The following TSNAXIP1 variants were observed in gnomAD, a reference collection of about 807,000 sequenced individuals.
TSNAXIP1 encodes the protein translin associated factor X interacting protein 1.
In TSNAXIP1, 89 loss-of-function variants were observed where a neutral mutation model predicts 84.8. That is an observed-to-expected ratio of 1.05 (90% CI 0.88 to 1.25). TSNAXIP1 has a LOEUF of 1.25. TSNAXIP1 is among the 50% of genes most tolerant of loss of function. TSNAXIP1 has a pLI of 0.00. For synonymous variants in TSNAXIP1, 347 were observed against 335.2 expected (o/e 1.04, Z -0.39); for missense variants, 874 against 887.6 (o/e 0.98, Z 0.20).
intron 7 of TSNAXIP1, 65 bp downstream of exon 7, chr16:67,825,337 C>T (rs555856535): frequency 1.4e-5 from 23 of 1,588,300 alleles, no homozygotes; most frequent in Non-Finnish European, 2.0e-5. Context: ...TGGTCTCACC[C>T]CTAAGCCCCA....
chr16:67,818,638 G>A (rs2056782305), intron 2 of TSNAXIP1, among the ~76,000 whole-genome samples: 1 of 152,094 alleles, frequency 6.6e-6, no homozygotes, highest in Admixed American at 6.6e-5. Context: ...GGACAAGGTA[G>A]GAGGATCTCT....
At position 67,806,903 on chromosome 16, in the gene TSNAXIP1, G is replaced by C; in HGVS notation, c.-247G>C. The C allele has an allele frequency of 1.6e-6, 1 of 620,460 alleles. No homozygotes were observed. Among genetic ancestry groups the C allele is most frequent in the Non-Finnish European group, 2.8e-6 (1 of 357,310 alleles). The allele number at this position is 620,460 out of a possible 1,614,324, so 38.4% of individuals were successfully genotyped here. On this transcript the variant is annotated 5_prime_UTR_variant, in exon 1 of 16. Coordinates refer to ENST00000561639, the MANE Select transcript of TSNAXIP1 (RefSeq NM_001288990.3). ...GGCCTCTGTTCATCCCCCTGCCTCA[G>C]TTCTGGTACCTGGGGTCAAATCGGC...
chr16:67,808,312 C>A (rs528526875), intron 1 of TSNAXIP1, among the ~76,000 whole-genome samples: 14 of 152,044 alleles, frequency 9.2e-5, no homozygotes. Context: ...CACGGTGGCT[C>A]ACGCCTATAA....
rs1244908759 is a variant in TSNAXIP1 at position 67,827,890 on chromosome 16, AGAAG to A, written c.2041_2044del (p.Glu681LysfsTer16). The stretch of plus-strand genomic sequence containing the variant: ...TCGGAAATGCCAGAGGAGGGTGACG[AGAAG>A]GAAGAAGCCGTGGTGGAAATCCTCC... On this transcript the variant is annotated frameshift_variant, in exon 16 of 16. Coordinates refer to ENST00000561639, the MANE Select transcript of TSNAXIP1 (RefSeq NM_001288990.3). LOFTEE classifies it low-confidence loss of function (END_TRUNC). 2 of 1,614,062 alleles carry A rather than the reference AGAAG, an allele frequency of 1.2e-6. No individual in the cohort carries two copies. Among genetic ancestry groups the A allele is most frequent in the Middle Eastern group, 1.6e-4 (1 of 6,062 alleles).
In TSNAXIP1 at chr16:67,825,201, G is replaced by GT. The variant is rs778961638; in HGVS notation, c.744dup (p.Lys249Ter). The GT allele has an allele frequency of 1.9e-6, 3 of 1,614,202 alleles. No individual in the cohort carries two copies. The highest frequency in any genetic ancestry group is 1.1e-5 in the South Asian group (1 of 91,088). On this transcript the variant is annotated frameshift_variant, in exon 7 of 16. Transcript: ENST00000561639. LOFTEE classifies it high-confidence loss of function. The stretch of plus-strand genomic sequence containing the variant: ...CACTACCTCAGTGAGCGAGATGCCT[G>GT]TAAGATCCTCATCGCAGACCTGAAT...
Position 67,814,360 on chromosome 16 carries a change from A to G in TSNAXIP1, c.106A>G (p.Ser36Gly). ...CGAATCCTTTCTCACAGAAGACAAGAGCACCCAGAATCGCAAGCTTCTTCA... is the reference window on the plus strand; with the variant it reads ...CGAATCCTTTCTCACAGAAGACAAGGGCACCCAGAATCGCAAGCTTCTTCA... Reference protein sequence around the residue: ...IDESFLTEDKSTQNRKLLQKR... With the variant: ...IDESFLTEDKGTQNRKLLQKR... The change falls in exon 2 of 16, where the codon AGC becomes GGC. Residue 36 changes from serine (S) to glycine (G), a missense_variant. Coordinates refer to ENST00000561639, the MANE Select transcript of TSNAXIP1 (RefSeq NM_001288990.3). 4 of 1,536,084 alleles carry G rather than the reference A, an allele frequency of 2.6e-6. No individual in the cohort carries two copies. The highest frequency in any genetic ancestry group is 3.5e-6 in the Non-Finnish European group (4 of 1,146,906).
chr16:67,812,785 A>G (rs973458036), intron 1 of TSNAXIP1, among the ~76,000 whole-genome samples: 6 of 151,828 alleles, frequency 4.0e-5, no homozygotes, highest in Non-Finnish European at 8.8e-5. Flanking sequence ...TAAATAAATA[A>G]ATAAAAATAG....
chr16:67,826,897 G>C, intron 12 of TSNAXIP1, 53 bp downstream of exon 12: 1 of 1,612,154 alleles, frequency 6.2e-7, no homozygotes, highest in Middle Eastern at 1.7e-4. Context: ...TTTGTCCCTA[G>C]CATAGACCAG....
chr16:67,826,907 G>A, intron 12 of TSNAXIP1, 56 bp from the exon 13 acceptor site: 6 of 1,612,596 alleles, frequency 3.7e-6, no homozygotes, highest in Non-Finnish European at 5.1e-6. Context: ...GCATAGACCA[G>A]CTTTGCCCCC....
At chr16:67,809,512 A>T (rs1343774993) in intron 1 of TSNAXIP1, among the ~76,000 whole-genome samples, 3 of 151,596 alleles carry the variant, frequency 2.0e-5, no homozygotes, top group African/African-American at 7.3e-5. Flanking sequence ...AATCCCAGCT[A>T]TTCTGGAGGC....
chr16:67,814,469 AACCCAAGAGTACC>A, intron 2 of TSNAXIP1, 68 bp downstream of exon 2: 1 of 1,294,316 alleles, frequency 7.7e-7, no homozygotes, highest in Non-Finnish European at 1.1e-6. Context: ...CCCTTCCTGC[AACCCAAGAGTACC>A]ACCCACCTGA....
intron 13 of TSNAXIP1, 83 bp from the exon 14 acceptor site, chr16:67,827,166 G>A (rs376502806): frequency 1.7e-5 from 28 of 1,606,008 alleles, no homozygotes; most frequent in Middle Eastern, 3.3e-4. Context: ...CCACAGCCTC[G>A]GCACTCACTC....
intron 1 of TSNAXIP1, among the ~76,000 whole-genome samples, chr16:67,810,983 T>G (rs1597984802): frequency 7.6e-6 from 1 of 132,188 alleles, no homozygotes; most frequent in South Asian, 2.4e-4. Flanking sequence ...ATGTCTTTTG[T>G]TTTTTTTTTT....
In TSNAXIP1 at chr16:67,826,816, G is replaced by A; in HGVS notation, c.1526G>A (p.Ser509Asn). The A allele has an allele frequency of 6.2e-7, 1 of 1,613,836 alleles. No homozygotes were observed. Among genetic ancestry groups the A allele is most frequent in the Non-Finnish European group, 8.5e-7 (1 of 1,180,012 alleles). ...IKIFHSNEVM[S>N]QFYAVLMGKR... ...ATCTTCCACTCCAACGAGGTTATGA[G>A]TCAGTTCTATGCAGTCTTGATGGGA... The change falls in exon 12 of 16, where the codon AGT becomes AAT. Residue 509 changes from serine (S) to asparagine (N), a missense_variant. Coordinates refer to ENST00000561639, the MANE Select transcript of TSNAXIP1 (RefSeq NM_001288990.3).
intron 7 of TSNAXIP1, 96 bp downstream of exon 7, chr16:67,825,368 C>T (rs1011327441): frequency 5.3e-6 from 8 of 1,511,002 alleles, no homozygotes; most frequent in African/African-American, 1.4e-5. Flanking sequence ...ATTCCTAAGA[C>T]CTGCTCATTC....
intron 14 of TSNAXIP1, 49 bp downstream of exon 14, chr16:67,827,424 G>A: frequency 6.2e-7 from 1 of 1,614,068 alleles, no homozygotes; most frequent in Non-Finnish European, 8.5e-7. Context: ...CCTAGCCTTG[G>A]CTGGACCCTA....
chr16:67,811,735 C>T (rs947860678), intron 1 of TSNAXIP1, among the ~76,000 whole-genome samples: 5 of 152,158 alleles, frequency 3.3e-5, no homozygotes, highest in East Asian at 1.9e-4. Context: ...AGCCACTGCA[C>T]GGCGAATAAT....
At chr16:67,807,949 G>A (rs1290065293) in intron 1 of TSNAXIP1, among the ~76,000 whole-genome samples, 2 of 152,104 alleles carry the variant, frequency 1.3e-5, no homozygotes, top group Admixed American at 1.3e-4. Flanking sequence ...CCATCAGCCT[G>A]GAGAGCCATA....
At position 67,823,608 on chromosome 16, in the gene TSNAXIP1, G is replaced by A; in HGVS notation, c.388-18G>A. ...GCAGCTGTGGGCTAGGAGATGATGG[G>A]TTCCCTTTTCTTGCCAGCCTTACAG... On this transcript the variant is annotated intron_variant, in intron 4 of 15. Transcript: ENST00000561639. The A allele has an allele frequency of 6.2e-7, 1 of 1,608,864 alleles. No individual in the cohort carries two copies. Among genetic ancestry groups the A allele is most frequent in the Non-Finnish European group, 8.5e-7 (1 of 1,175,538 alleles).
Sources: allele counts gnomAD v4.1 joint callset (sites outside exome capture counted in the v4.1 genomes callset), GRCh38; gene constraint gnomAD v4.1.1; transcripts MANE v1.5; gene names NCBI Gene and HGNC (gene_info 2026-07-23, HGNC 2026-07-21).